The following PCNX2 variants were observed in gnomAD, a reference collection of about 807,000 sequenced individuals.
PCNX2 encodes the protein pecanex 2.
In PCNX2, 168 loss-of-function variants were observed where a neutral mutation model predicts 223.8. That is an observed-to-expected ratio of 0.75 (90% CI 0.66 to 0.85). The LOEUF (loss-of-function observed/expected upper bound fraction) is 0.85. Among genes scored for constraint, PCNX2 ranks in the 40% least tolerant of loss-of-function variants. The probability of loss-of-function intolerance (pLI) is 0.00; values close to 1 mark genes in which losing one functional copy is unlikely to be tolerated. For synonymous variants in PCNX2, 1,006 were observed against 1,052.6 expected (o/e 0.96, Z 0.86); for missense variants, 2,507 against 2,675.5 (o/e 0.94, Z 1.39).
intron 19 of PCNX2, among the ~76,000 whole-genome samples, chr1:233,156,594 G>A (rs919606909): frequency 9.2e-5 from 14 of 152,032 alleles, no homozygotes; most frequent in African/African-American, 2.4e-4. Flanking sequence ...TTAGGTGGTC[G>A]GGGCAAGACT....
Position 233,250,748 on chromosome 1 carries a change from G to A in PCNX2, c.2213C>T (p.Ser738Phe), listed in dbSNP as rs769964113. ...ACAAAGCTCCACTCACCGAGCCTGA[G>A]AGAGACAGTCATTATTTGATGGTAG... The part of the protein sequence containing the change: ...QPLPSNNDCL[S>F]QAREMQVSSS... Residue 738 changes from serine (S) to phenylalanine (F), a missense_variant, in exon 8 of 34, where the codon TCT becomes TTT. Physicochemically the swap from Ser to Phe is radical, Grantham distance 155. Around this residue, in one of 3 missense-constraint regions of PCNX2, gnomAD observed 1,031 missense variants for 1,021.7 expected, o/e 1.01. Transcript: ENST00000258229. 6.2e-7 allele frequency: 1 copy of A among 1,605,562 alleles called. No individual in the cohort carries two copies. Among genetic ancestry groups the A allele is most frequent in the South Asian group, 1.1e-5 (1 of 88,696 alleles).
intron 17 of PCNX2, among the ~76,000 whole-genome samples, chr1:233,163,344 G>A (rs896018968): frequency 2.0e-5 from 3 of 151,658 alleles, no homozygotes; most frequent in African/African-American, 4.8e-5. Flanking sequence ...AAAATTAGCC[G>A]GTTGTGGTGG....
At chr1:233,196,275 T>A (rs532029364) in intron 15 of PCNX2, among the ~76,000 whole-genome samples, 28 of 152,124 alleles carry the variant, frequency 1.8e-4, no homozygotes, top group African/African-American at 6.7e-4. Context: ...ACTATAAAAC[T>A]TGTAGTACAA....
At chr1:233,266,153 C>A (rs1216293403) in intron 1 of PCNX2, among the ~76,000 whole-genome samples, 1 of 152,166 alleles carries the variant, frequency 6.6e-6, no homozygotes. Flanking sequence ...AAAGGTTTTA[C>A]AGCATGCTAT....
the PCNX2 span, among the ~76,000 whole-genome samples, chr1:233,309,150 G>A: frequency 6.6e-5 from 10 of 152,322 alleles, no homozygotes; most frequent in African/African-American, 2.4e-4. Flanking sequence ...ATTATTAAAT[G>A]AGATAATCTT....
chr1:233,063,356 A>C (rs998877125), intron 23 of PCNX2, among the ~76,000 whole-genome samples: 3 of 152,200 alleles, frequency 2.0e-5, no homozygotes, highest in South Asian at 2.1e-4. Flanking sequence ...GTTTTAAAAA[A>C]GGGAAAAAAG....
At chr1:233,156,465 G>A (rs546137309) in intron 19 of PCNX2, among the ~76,000 whole-genome samples, 5 of 152,302 alleles carry the variant, frequency 3.3e-5, no homozygotes, top group African/African-American at 9.6e-5. Context: ...AAGCACTGCC[G>A]TGAGCACTGG....
At chr1:233,245,441 T>C (rs905377563) in intron 8 of PCNX2, among the ~76,000 whole-genome samples, 1 of 149,176 alleles carries the variant, frequency 6.7e-6, no homozygotes, top group African/African-American at 2.6e-5. Context: ...CAAGGTGGTT[T>C]GGAGGAGCCT....
chr1:233,127,699 A>T (rs2251011), intron 21 of PCNX2, among the ~76,000 whole-genome samples: 1 of 152,142 alleles, frequency 6.6e-6, no homozygotes, highest in Admixed American at 6.5e-5. Flanking sequence ...TTCTGTGCCT[A>T]GTTTTCTCAC....
At chr1:233,214,901 T>C (rs1199614413) in intron 12 of PCNX2, among the ~76,000 whole-genome samples, 1 of 152,208 alleles carries the variant, frequency 6.6e-6, no homozygotes, top group Non-Finnish European at 1.5e-5. Context: ...AAAAACTTTA[T>C]TTTCATTTCG....
At chr1:233,145,669 G>GC (rs1257213088) in intron 19 of PCNX2, among the ~76,000 whole-genome samples, 2 of 152,128 alleles carry the variant, frequency 1.3e-5, no homozygotes, top group African/African-American at 4.8e-5. Flanking sequence ...CAGGGGCAGG[G>GC]CATTTGAAGC....
chr1:233,078,905 G>A (rs1673219216), intron 23 of PCNX2, among the ~76,000 whole-genome samples: 1 of 152,194 alleles, frequency 6.6e-6, no homozygotes, highest in African/African-American at 2.4e-5. Context: ...TACCTCACGT[G>A]TCAAACCTTA....
At chr1:233,283,286 T>A (rs79390735) in intron 1 of PCNX2, among the ~76,000 whole-genome samples, 1,970 of 152,328 alleles carry the variant, frequency 0.013, 50 homozygotes, top group African/African-American at 0.045. Context: ...AATCTATAGA[T>A]TGATCAATCT....
chr1:233,266,030 GC>G (rs1173103053), intron 1 of PCNX2, among the ~76,000 whole-genome samples: 3 of 152,268 alleles, frequency 2.0e-5, no homozygotes, highest in African/African-American at 7.2e-5. Context: ...GTGAGAACAG[GC>G]CCTTGCCTCA....
intron 8 of PCNX2, among the ~76,000 whole-genome samples, chr1:233,240,953 C>T (rs561029309): frequency 3.2e-4 from 49 of 152,314 alleles, no homozygotes; most frequent in Non-Finnish European, 3.8e-4. Flanking sequence ...AGTTTAAAGA[C>T]GATAGCCTAT....
chr1:233,178,959 T>A, intron 16 of PCNX2, 107 bp downstream of exon 16: 1 of 930,246 alleles, frequency 1.1e-6, no homozygotes, highest in Non-Finnish European at 1.6e-6. Context: ...GAGAGTCAAA[T>A]CACAATGGGC....
At chr1:233,102,313 C>T (rs1203876925) in intron 21 of PCNX2, among the ~76,000 whole-genome samples, 1 of 152,144 alleles carries the variant, frequency 6.6e-6, no homozygotes, top group Admixed American at 6.5e-5. Flanking sequence ...CATATTTTGG[C>T]TGTTGTGAAT....
upstream of PCNX2, among the ~76,000 whole-genome samples, chr1:233,298,218 AGG>A (rs1662203919): frequency 6.6e-6 from 1 of 152,154 alleles, no homozygotes; most frequent in Non-Finnish European, 1.5e-5. Context: ...AGGACAAAAG[AGG>A]GAGGAAAGGA....
intron 15 of PCNX2, 60 bp downstream of exon 15, chr1:233,198,878 TA>T: frequency 2.8e-6 from 4 of 1,436,088 alleles, no homozygotes; most frequent in South Asian, 1.2e-5. Flanking sequence ...TTCATTTGTT[TA>T]AAAAAATAAG....
Sources: allele counts gnomAD v4.1 joint callset (sites outside exome capture counted in the v4.1 genomes callset), GRCh38; gene constraint gnomAD v4.1.1; regional missense constraint gnomAD v4.1.1; transcripts MANE v1.5; gene names NCBI Gene and HGNC (gene_info 2026-07-23, HGNC 2026-07-21).